The following IRAG2 variants were observed in gnomAD, a reference collection of about 807,000 sequenced individuals.
IRAG2 encodes the protein inositol 1,4,5-triphosphate receptor associated 2, also known as lymphoid restricted membrane protein.
In IRAG2, 45 loss-of-function variants were observed where a neutral mutation model predicts 69.9. The observed-to-expected ratio is 0.64, with a 90% CI of 0.51 to 0.83. IRAG2 has a LOEUF of 0.83. Among genes scored for constraint, IRAG2 ranks in the 40% least tolerant of loss-of-function variants. IRAG2 has a pLI of 0.00. For missense variants in IRAG2, 520 were observed against 587.0 expected (o/e 0.89, Z 1.18); for synonymous variants, 193 against 202.4 (o/e 0.95, Z 0.40).
At chr12:25,093,597 T>C (rs952078907) in intron 14 of IRAG2, 5 of 153,558 alleles carry the variant, frequency 3.3e-5, no homozygotes, top group African/African-American at 1.2e-4. Context: ...GAGCTTCTTT[T>C]TGCTTCTTTT....
chr12:25,028,311 G>A (rs1944640746), intron 9 of IRAG2, among the ~76,000 whole-genome samples: 1 of 151,906 alleles, frequency 6.6e-6, no homozygotes, highest in Admixed American at 6.6e-5. Flanking sequence ...AGTGCATGAG[G>A]GCTCAAATTT....
chr12:25,051,637 G>C (rs1230962960), upstream of IRAG2, among the ~76,000 whole-genome samples: 1 of 152,188 alleles, frequency 6.6e-6, no homozygotes, highest in Non-Finnish European at 1.5e-5. Flanking sequence ...GTGGGGAAGG[G>C]TGATGGGGAG....
chr12:25,040,339 C>A (rs1392596392), intron 16 of IRAG2, among the ~76,000 whole-genome samples: 2 of 152,084 alleles, frequency 1.3e-5, no homozygotes, highest in Non-Finnish European at 2.9e-5. Flanking sequence ...GAGACCCTGT[C>A]TCTAAAAAAA....
intron 6 of IRAG2, among the ~76,000 whole-genome samples, chr12:25,018,639 T>C (rs959996174): frequency 6.6e-6 from 1 of 152,244 alleles, no homozygotes; most frequent in African/African-American, 2.4e-5. Flanking sequence ...ATTATTTAAC[T>C]GAAATATAAA....
At position 25,079,608 on chromosome 12, in the gene IRAG2, T is replaced by C. The variant is rs772570670; in HGVS notation, c.137-48T>C. Reference sequence around the variant, plus strand: ...ATAGTATAGTTAAATACACTATATATAATATTATGTGCATAGTATTCGCAC... The same window carrying C: ...ATAGTATAGTTAAATACACTATATACAATATTATGTGCATAGTATTCGCAC... On this transcript the variant is annotated intron_variant, in intron 8 of 21. Transcript: ENST00000556887. 1.6e-5 allele frequency: 21 copies of C among 1,293,108 alleles called. No homozygotes were observed. In the South Asian group the frequency reaches 2.5e-4, roughly 15 times the overall value. The allele number at this position is 1,293,108 out of a possible 1,614,324, so 80.1% of individuals were successfully genotyped here. A position where few individuals can be genotyped will look rare whatever the true frequency, so the allele number is the denominator to read the frequency against.
chr12:25,102,248 AC>A lies in IRAG2; in HGVS notation c.933+8del. The stretch of plus-strand genomic sequence containing the variant: ...AGCTTCTCTAAACTCCAAGGTAATT[AC>A]TAATTCACTTAACAAATGTCTAGCA... On this transcript the variant is annotated splice_region_variant and intron_variant, in intron 17 of 21. Transcript: ENST00000556887. The A allele has an allele frequency of 1.2e-6, 2 of 1,609,374 alleles. No homozygotes were observed. The highest frequency in any genetic ancestry group is 1.7e-6 in the Non-Finnish European group (2 of 1,176,686).
exon 1 of IRAG2, chr12:25,004,406 T>C: frequency 8.1e-7 from 1 of 1,232,138 alleles, no homozygotes; most frequent in Non-Finnish European, 1.0e-6. Context: ...TGTAGAAAGA[T>C]CAGAGCCATC....
intron 4 of IRAG2, 143 bp from the exon 5 acceptor site, chr12:25,066,222 A>C: frequency 2.6e-6 from 1 of 383,580 alleles, no homozygotes; most frequent in Non-Finnish European, 4.6e-6. Context: ...GTGATTAGGC[A>C]TCAAGGGAGT....
At chr12:25,003,815 TAGTTA>T (rs1262053611), upstream of IRAG2, among the ~76,000 whole-genome samples, 3 of 152,326 alleles carry the variant, frequency 2.0e-5, no homozygotes, top group East Asian at 3.9e-4. Flanking sequence ...GGGGCATATT[TAGTTA>T]AGTTCTGAAT....
chr12:25,107,081 T>C (rs1949213346), intron 21 of IRAG2, 31 bp downstream of exon 21: 3 of 1,264,060 alleles, frequency 2.4e-6, no homozygotes, highest in Non-Finnish European at 3.4e-6. Context: ...ATTCTACCAT[T>C]TTAGTGGAAT....
intron 6 of IRAG2, among the ~76,000 whole-genome samples, chr12:25,076,922 C>G (rs995762124): frequency 6.6e-6 from 1 of 151,200 alleles, no homozygotes; most frequent in Non-Finnish European, 1.5e-5. Flanking sequence ...GTCACCCAGG[C>G]TGGGGTGCAG....
At chr12:25,014,033 C>G (rs1188639028) in intron 3 of IRAG2, among the ~76,000 whole-genome samples, 4 of 151,116 alleles carry the variant, frequency 2.6e-5, no homozygotes, top group Admixed American at 2.0e-4. Context: ...TGCCACCATG[C>G]CCAGCTAATT....
In IRAG2 at chr12:25,071,321, G is replaced by A. The variant is rs12099636; in HGVS notation, c.24+1890G>A. 3.4e-3 allele frequency among the ~76,000 whole-genome samples: 510 copies of A among 152,076 alleles called. 2 individuals are homozygous for A. The highest frequency in any genetic ancestry group is 0.012 in the African/African-American group (488 of 41,454). ...AGATTGCGCCACTGCACTCCAGCCT[G>A]GGTAACAGGAAAAGACTCCATCTCA... On this transcript the variant is annotated intron_variant, in intron 6 of 21. Transcript: ENST00000556887.
chr12:25,107,451 C>T (rs964930947), intron 21 of IRAG2, among the ~76,000 whole-genome samples: 1 of 152,166 alleles, frequency 6.6e-6, no homozygotes, highest in African/African-American at 2.4e-5. Flanking sequence ...GACTACTGTA[C>T]ACACACATAA....
chr12:25,093,046 T>C (rs985952112), intron 14 of IRAG2: 2 of 152,896 alleles, frequency 1.3e-5, no homozygotes, highest in African/African-American at 4.8e-5. Context: ...AAGCATTTTG[T>C]TGAGTTCTTC....
rs891950695 is a variant in IRAG2 at position 25,101,065 on chromosome 12, A to G, written c.742-113A>G. On this transcript the variant is annotated intron_variant, in intron 15 of 21. Transcript: ENST00000556887. ...ATGTCTTTTTAAAAAAAAAACATTT[A>G]TTGCCACTTTAGTGGGATTTAGGAA... 1.4e-4 allele frequency: 116 copies of G among 822,060 alleles called. 1 individual carries two copies. The highest frequency in any genetic ancestry group is 3.1e-5 in the Admixed American group (1 of 31,914). The allele number at this position is 822,060 out of a possible 1,614,324, so 50.9% of individuals were successfully genotyped here.
chr12:25,095,261 T>A (rs1948346080), intron 14 of IRAG2, among the ~76,000 whole-genome samples: 1 of 152,162 alleles, frequency 6.6e-6, no homozygotes, highest in Non-Finnish European at 1.5e-5. Context: ...TCTATTTTTT[T>A]AAATTAGCAC....
intron 5 of IRAG2, among the ~76,000 whole-genome samples, chr12:25,068,865 C>T (rs148090788): frequency 6.6e-4 from 100 of 152,318 alleles, no homozygotes; most frequent in African/African-American, 2.2e-3. Flanking sequence ...ATATCAACGA[C>T]ATCCTCCTAA....
intron 6 of IRAG2, among the ~76,000 whole-genome samples, chr12:25,077,142 T>G (rs1037470963): frequency 2.3e-5 from 3 of 129,378 alleles, no homozygotes; most frequent in Middle Eastern, 3.4e-3. Context: ...GTGTTGAGAT[T>G]GCAGGCGTGT....
Sources: allele counts gnomAD v4.1 joint callset (sites outside exome capture counted in the v4.1 genomes callset), GRCh38; gene constraint gnomAD v4.1.1; transcripts MANE v1.5; gene names NCBI Gene and HGNC (gene_info 2026-07-23, HGNC 2026-07-21).